The following CNTN1 variants were observed in gnomAD, a reference collection of about 807,000 sequenced individuals.
The protein encoded by CNTN1 is contactin 1, also known as contactin-1.
Under a neutral mutation model 126.4 loss-of-function variants are expected in CNTN1, and 38 were observed. The ratio of observed to expected loss-of-function variants is 0.30; its 90% confidence interval spans 0.23 to 0.39. The LOEUF (loss-of-function observed/expected upper bound fraction) is 0.39, where lower values mean the gene tolerates loss of function less well. Ranked by LOEUF, CNTN1 falls within the 10% of genes least tolerant of loss-of-function variation. The pLI, the probability that CNTN1 is intolerant of heterozygous loss-of-function variation, is 1.00. For missense variants in CNTN1, 1,009 were observed against 1,248.4 expected (o/e 0.81, Z 2.89); for synonymous variants, 413 against 422.6 (o/e 0.98, Z 0.28).
At position 40,890,992 on chromosome 12, in the gene CNTN1, A is replaced by T. The variant is rs563817489; in HGVS notation, c.-76-17365A>T. On this transcript the variant is annotated intron_variant, in intron 1 of 23. Transcript: ENST00000551295. ...TAAACGAGAGTTCCTGTTCTTCCAC[A>T]TCAAATGCTAGTGAGGATATGGAAC... is the stretch of plus-strand genomic sequence containing the variant. 5.6e-4 allele frequency among the ~76,000 whole-genome samples: 86 copies of T among 152,280 alleles called. 4 individuals carry two copies. In the South Asian group the frequency reaches 0.018, roughly 31 times the overall value.
chr12:40,809,234 C>G (rs369769157), intron 1 of CNTN1, among the ~76,000 whole-genome samples: 21 of 152,228 alleles, frequency 1.4e-4, no homozygotes, highest in African/African-American at 5.1e-4. Context: ...GGACAGATGT[C>G]TGTGATAAAA....
At chr12:41,065,450 A>G (rs1950029605) in intron 23 of CNTN1, among the ~76,000 whole-genome samples, 1 of 152,240 alleles carries the variant, frequency 6.6e-6, no homozygotes, top group South Asian at 2.1e-4. Context: ...CGACAAAGCC[A>G]GAGTTATTGA....
At chr12:41,051,909 C>T (rs1001807186) in intron 23 of CNTN1, among the ~76,000 whole-genome samples, 3 of 148,306 alleles carry the variant, frequency 2.0e-5, no homozygotes, top group Non-Finnish European at 4.5e-5. Context: ...CACACACACA[C>T]ACACACACAC....
Position 41,037,357 on chromosome 12 carries a change from T to C in CNTN1, c.2980+8138T>C, listed in dbSNP as rs183506933. Among the ~76,000 whole-genome samples the C allele has an allele frequency of 8.5e-5, 13 of 152,250 alleles. No individual in the cohort carries two copies. The East Asian group carries it at 1.3e-3, about 16-fold the overall frequency. ...CCCATAAGATTATAATTCTACACTT[T>C]TGCTGTACCTTTTCTATATTTATGT... On this transcript the variant is annotated intron_variant, in intron 23 of 23. Coordinates refer to ENST00000551295, the MANE Select transcript of CNTN1 (RefSeq NM_001843.4).
chr12:40,722,236 CACTT>C (rs1325078144), intron 1 of CNTN1, among the ~76,000 whole-genome samples: 4 of 152,150 alleles, frequency 2.6e-5, no homozygotes, highest in African/African-American at 4.8e-5. Flanking sequence ...GACCTGAACT[CACTT>C]GTTAGGATAA....
chr12:40,905,410 ATC>A (rs1015506099), intron 1 of CNTN1, among the ~76,000 whole-genome samples: 2 of 152,294 alleles, frequency 1.3e-5, no homozygotes, highest in African/African-American at 4.8e-5. Flanking sequence ...ACCTTTATTT[ATC>A]TGTTTCTTTT....
intron 15 of CNTN1, chr12:40,979,305 C>G (rs1200466469): frequency 6.6e-6 from 1 of 151,962 alleles, no homozygotes; most frequent in Non-Finnish European, 1.5e-5. Context: ...TTGATCTGCA[C>G]ACACTTTCTT....
chr12:40,999,755 T>C (rs1255504865), intron 17 of CNTN1, among the ~76,000 whole-genome samples: 2 of 139,668 alleles, frequency 1.4e-5, no homozygotes, highest in Non-Finnish European at 1.5e-5. Context: ...CAGGCTGGAG[T>C]GCAGTGGCAG....
intron 1 of CNTN1, among the ~76,000 whole-genome samples, chr12:40,874,851 T>C (rs201709710): frequency 6.6e-6 from 1 of 152,212 alleles, no homozygotes; most frequent in East Asian, 1.9e-4. Flanking sequence ...GGCAATGATT[T>C]ACATATGTTG....
At chr12:40,697,962 G>A (rs1157615473) in intron 1 of CNTN1, among the ~76,000 whole-genome samples, 3 of 152,168 alleles carry the variant, frequency 2.0e-5, no homozygotes, top group African/African-American at 7.2e-5. Context: ...ATCTGCTTCT[G>A]CCAGGATTAT....
At chr12:40,736,293 T>A (rs756297293) in intron 1 of CNTN1, among the ~76,000 whole-genome samples, 3 of 152,108 alleles carry the variant, frequency 2.0e-5, no homozygotes, top group Non-Finnish European at 4.4e-5. Context: ...TACAATATTC[T>A]AATTTATATA....
At position 40,692,499 on chromosome 12, in the gene CNTN1, G is replaced by C. The variant is rs898529009; in HGVS notation, c.-170G>C. On this transcript the variant is annotated 5_prime_UTR_variant, in exon 1 of 24. Coordinates refer to ENST00000551295, the MANE Select transcript of CNTN1 (RefSeq NM_001843.4). ...CCGAGGCGAGGAGGGGCGCCGGTGG[G>C]GAGATGCGCTCCCAGGTGTTTGCAG... The C allele has an allele frequency of 6.5e-6, 1 of 152,684 alleles. No individual in the cohort carries two copies. The highest frequency in any genetic ancestry group is 6.5e-5 in the Admixed American group (1 of 15,298). The allele number at this position is 152,684 out of a possible 1,614,324, so 9.5% of individuals were successfully genotyped here.
intron 15 of CNTN1, among the ~76,000 whole-genome samples, chr12:40,974,677 G>A (rs1354659856): frequency 6.6e-6 from 1 of 152,066 alleles, no homozygotes; most frequent in Non-Finnish European, 1.5e-5. Flanking sequence ...ATTAGGCTCA[G>A]ATTCTAACTT....
At chr12:40,904,180 A>G (rs557393172) in intron 1 of CNTN1, among the ~76,000 whole-genome samples, 92 of 151,798 alleles carry the variant, frequency 6.1e-4, no homozygotes, top group Middle Eastern at 3.4e-3. Context: ...CACCACGCAC[A>G]GCTAATTTTT....
intron 1 of CNTN1, among the ~76,000 whole-genome samples, chr12:40,732,115 G>T (rs976338358): frequency 1.3e-5 from 2 of 151,904 alleles, no homozygotes; most frequent in Non-Finnish European, 2.9e-5. Flanking sequence ...TAGAGAAATT[G>T]CTCATTAAAC....
chr12:40,817,801 T>C (rs1269002526), intron 1 of CNTN1, among the ~76,000 whole-genome samples: 1 of 152,112 alleles, frequency 6.6e-6, no homozygotes, highest in South Asian at 2.1e-4. Context: ...CAGTGGCTGG[T>C]ACTGGTTTTT....
chr12:41,057,690 T>C (rs1949856052), intron 23 of CNTN1, among the ~76,000 whole-genome samples: 1 of 152,076 alleles, frequency 6.6e-6, no homozygotes, highest in South Asian at 2.1e-4. Context: ...GGAGTATAAG[T>C]TATATTTAGA....
chr12:40,721,271 A>T lies in CNTN1; in HGVS notation c.-77+28679A>T, dbSNP rs545911246. Among the ~76,000 whole-genome samples the T allele has an allele frequency of 5.3e-4, 80 of 152,132 alleles. 2 individuals carry two copies. In the South Asian group the frequency reaches 0.016, roughly 30 times the overall value. On this transcript the variant is annotated intron_variant, in intron 1 of 23. Transcript: ENST00000551295. ...GTGCCAGTTTGTCATGTTTCTTATC[A>T]CATTCTCTGCCCCAAAATGGCAAAG...
intron 4 of CNTN1, among the ~76,000 whole-genome samples, chr12:40,919,997 G>A (rs1945380250): frequency 6.6e-6 from 1 of 152,156 alleles, no homozygotes; most frequent in South Asian, 2.1e-4. Flanking sequence ...AGAGGAAGCT[G>A]AATCCTGAAT....
Sources: gnomAD v4.1 joint callset for allele counts (sites outside exome capture counted in the v4.1 genomes callset) on GRCh38, gnomAD v4.1.1 for gene constraint, MANE v1.5 for transcripts, NCBI Gene and HGNC (gene_info 2026-07-23, HGNC 2026-07-21) for gene names.